NAA25: variants seen among roughly 807,000 people sequenced by gnomAD.
The protein encoded by NAA25 is N-alpha-acetyltransferase 25, NatB auxiliary subunit, also known as N-terminal acetyltransferase B complex subunit NAA25.
Under a neutral mutation model 132.5 loss-of-function variants are expected in NAA25, and 30 were observed. The observed-to-expected ratio is 0.23, with a 90% CI of 0.17 to 0.31. NAA25 has a LOEUF of 0.31. Ranked by LOEUF, NAA25 falls within the 10% of genes least tolerant of loss-of-function variation. The pLI, the probability that NAA25 is intolerant of heterozygous loss-of-function variation, is 1.00. For synonymous variants in NAA25, 359 were observed against 401.9 expected (o/e 0.89, Z 1.28); for missense variants, 771 against 1,150.4 (o/e 0.67, Z 4.77).
At position 112,048,441 on chromosome 12, in the gene NAA25, G is replaced by A; in HGVS notation, c.1731C>T (p.Thr577=). 9 of 1,613,330 alleles carry A rather than the reference G, an allele frequency of 5.6e-6. No homozygotes were observed. Among genetic ancestry groups the A allele is most frequent in the Non-Finnish European group, 6.8e-6 (8 of 1,179,500 alleles). Residue 577 remains threonine, a splice_region_variant and synonymous_variant, in exon 16 of 24, where the codon ACC becomes ACT. Coordinates refer to ENST00000261745, the MANE Select transcript of NAA25 (RefSeq NM_024953.4). The part of the protein sequence containing the change: ...LRFFHSNQKD[T]SEYIIQAYKY... ...TGTAAGCTTGAATAATATATTCTGA[G>A]GTCTGAGAAGGAAAGACATCACCTT...
rs2078100556 is a variant in NAA25 at position 112,027,512 on chromosome 12, C to G, written c.*2019G>C. On this transcript the variant is annotated 3_prime_UTR_variant, in exon 24 of 24. Coordinates refer to ENST00000261745, the MANE Select transcript of NAA25 (RefSeq NM_024953.4). ...AATAACAAAGGAAGCATAACCTCAA[C>G]ATAACATTATTTGTCATTAAAGCCA... is the stretch of plus-strand genomic sequence containing the variant. 1 of 152,528 alleles carries G rather than the reference C, an allele frequency of 6.6e-6. No homozygotes were observed. 9.4% of individuals were successfully genotyped at this position (152,528 alleles called of 1,614,324 possible). A position where few individuals can be genotyped will look rare whatever the true frequency, so the allele number is the denominator to read the frequency against.
intron 19 of NAA25, among the ~76,000 whole-genome samples, chr12:112,042,669 G>A (rs548447315): frequency 2.6e-5 from 4 of 152,148 alleles, no homozygotes; most frequent in South Asian, 4.2e-4. Flanking sequence ...ACCTTGCCTC[G>A]CTAATTTCTG....
intron 1 of NAA25, among the ~76,000 whole-genome samples, chr12:112,104,095 T>C (rs1370971066): frequency 6.6e-6 from 1 of 152,120 alleles, no homozygotes; most frequent in Non-Finnish European, 1.5e-5. Context: ...CCAAGAGAAA[T>C]GTCCTAACTC....
Position 112,075,808 on chromosome 12 carries a change from A to T in NAA25, c.665-19T>A, listed in dbSNP as rs780379676. The stretch of plus-strand genomic sequence containing the variant: ...AACTTCTCTAAAATCAAAAGTTATA[A>T]AAGTTGGTAAGCTGGTTTCATTTCT... On this transcript the variant is annotated intron_variant, in intron 7 of 23. Transcript: ENST00000261745. 2 of 1,601,894 alleles carry T rather than the reference A, an allele frequency of 1.2e-6. No homozygotes were observed. The highest frequency in any genetic ancestry group is 2.2e-5 in the East Asian group (1 of 44,782).
chr12:112,048,044 C>T (rs904269517), intron 16 of NAA25, among the ~76,000 whole-genome samples: 8 of 152,146 alleles, frequency 5.3e-5, no homozygotes, highest in Admixed American at 5.2e-4. Context: ...GCGGAACCTT[C>T]GTAAGCACAA....
intron 10 of NAA25, among the ~76,000 whole-genome samples, chr12:112,071,215 A>G (rs1003964863): frequency 6.8e-6 from 1 of 146,814 alleles, no homozygotes; most frequent in East Asian, 2.1e-4. Context: ...AAACGGGGTT[A>G]CGGCCATGTT....
At chr12:112,062,859 T>C (rs1472255998) in intron 11 of NAA25, among the ~76,000 whole-genome samples, 1 of 151,930 alleles carries the variant, frequency 6.6e-6, no homozygotes, top group Non-Finnish European at 1.5e-5. Context: ...CCTCGGCACA[T>C]AGTGAGACCT....
At chr12:112,038,842 G>C (rs927749134) in intron 22 of NAA25, among the ~76,000 whole-genome samples, 23 of 152,138 alleles carry the variant, frequency 1.5e-4, no homozygotes, top group African/African-American at 4.8e-4. Flanking sequence ...AGCCGGGTGT[G>C]GTGGCAGGCG....
In NAA25 at chr12:112,077,013, C is replaced by A. The variant is rs546438505; in HGVS notation, c.664+1175G>T. Among the ~76,000 whole-genome samples, 320 of 144,946 alleles carry A rather than the reference C, an allele frequency of 2.2e-3. 5 individuals carry two copies. The highest frequency in any genetic ancestry group is 5.8e-3 in the South Asian group (27 of 4,640). On this transcript the variant is annotated intron_variant, in intron 7 of 23. Transcript: ENST00000261745. Reference sequence around the variant, plus strand: ...CCTGTCTCAAAAACAACAACAACAACAAAAAAAAACAAGAAGTTTCTTGTG... The same window carrying A: ...CCTGTCTCAAAAACAACAACAACAAAAAAAAAAAACAAGAAGTTTCTTGTG...
intron 21 of NAA25, chr12:112,039,846 TCTC>T (rs1430486137): frequency 6.5e-6 from 1 of 154,492 alleles, no homozygotes; most frequent in African/African-American, 2.4e-5. Flanking sequence ...TTATATGTCT[TCTC>T]CTATACTACA....
intron 13 of NAA25, among the ~76,000 whole-genome samples, chr12:112,057,625 C>T (rs926803662): frequency 8.5e-5 from 13 of 152,234 alleles, no homozygotes; most frequent in Admixed American, 2.0e-4. Context: ...GAGGCCAAGG[C>T]AGACAGATCA....
Position 112,033,302 on chromosome 12 carries a change from T to G in NAA25, c.2727A>C (p.Lys909Asn). 1 of 1,613,626 alleles carries G rather than the reference T, an allele frequency of 6.2e-7. No individual in the cohort carries two copies. Among genetic ancestry groups the G allele is most frequent in the Non-Finnish European group, 8.5e-7 (1 of 1,179,812 alleles). The change falls in exon 23 of 24, where the codon AAA becomes AAC. Residue 909 changes from lysine to asparagine, a missense_variant. Coordinates refer to ENST00000261745, the MANE Select transcript of NAA25 (RefSeq NM_024953.4). ...GTGCAATTAGATGTGTTTCAAGCCC[T>G]TTAATATGATCCACAACATTGGAAA... The part of the protein sequence containing the change: ...TLISNVVDHI[K>N]GLETHLIALK...
intron 11 of NAA25, among the ~76,000 whole-genome samples, chr12:112,062,173 C>T (rs1338456245): frequency 2.6e-5 from 4 of 151,892 alleles, no homozygotes; most frequent in African/African-American, 9.7e-5. Flanking sequence ...AAGGTGGGCA[C>T]ATCACTTCAG....
chr12:112,104,846 A>C (rs544350222), intron 1 of NAA25, among the ~76,000 whole-genome samples: 16 of 150,566 alleles, frequency 1.1e-4, no homozygotes, highest in East Asian at 6.2e-4. Flanking sequence ...AAAAAAAAAA[A>C]CAAAACAAAA....
At chr12:112,054,755 T>C (rs2078518881) in intron 13 of NAA25, among the ~76,000 whole-genome samples, 187 bp from the exon 14 acceptor site, 2 of 152,182 alleles carry the variant, frequency 1.3e-5, no homozygotes, top group Admixed American at 1.3e-4. Context: ...AGTCCTTCAA[T>C]AGTTAAGTCT....
intron 13 of NAA25, among the ~76,000 whole-genome samples, chr12:112,058,699 G>A (rs939610659): frequency 2.6e-5 from 4 of 151,984 alleles, no homozygotes; most frequent in Non-Finnish European, 1.5e-5. Context: ...CGCGGCGGGT[G>A]GATCACCTGA....
At chr12:112,072,790 A>G (rs1019737221) in intron 9 of NAA25, among the ~76,000 whole-genome samples, 10 of 151,778 alleles carry the variant, frequency 6.6e-5, no homozygotes, top group Non-Finnish European at 4.4e-5. Flanking sequence ...AATTTAAAGC[A>G]GCCAATTGTG....
At chr12:112,075,655 T>C (rs772702131) in intron 8 of NAA25, 23 bp downstream of exon 8, 17 of 1,591,464 alleles carry the variant, frequency 1.1e-5, no homozygotes, top group Middle Eastern at 1.7e-4. Context: ...AGTCAAATGG[T>C]ACAAAAGAAA....
Position 112,045,418 on chromosome 12 carries a change from C to T in NAA25, c.2007-1550G>A, listed in dbSNP as rs1024528123. On this transcript the variant is annotated intron_variant, in intron 17 of 23. Coordinates refer to ENST00000261745, the MANE Select transcript of NAA25 (RefSeq NM_024953.4). ...AGGAGAATTGCTTGAACCCGGGAGG[C>T]GGAGGTTGCAGTGAGCCGAGATTGC... Among the ~76,000 whole-genome samples the T allele has an allele frequency of 2.1e-5, 3 of 145,654 alleles. No individual in the cohort carries two copies. In the East Asian group the frequency reaches 6.0e-4, roughly 29 times the overall value.
Sources: gnomAD v4.1 joint callset for allele counts (sites outside exome capture counted in the v4.1 genomes callset) on GRCh38, gnomAD v4.1.1 for gene constraint, MANE v1.5 for transcripts, NCBI Gene and HGNC (gene_info 2026-07-23, HGNC 2026-07-21) for gene names.